DCDC1: variants seen among roughly 807,000 people sequenced by gnomAD.
The protein encoded by DCDC1 is doublecortin domain containing 1, also known as doublecortin domain-containing protein 1.
DCDC1 carries 200 observed loss-of-function variants against 178.3 expected under a neutral mutation model. That is an observed-to-expected ratio of 1.12 (90% CI 1.00 to 1.26). The LOEUF (loss-of-function observed/expected upper bound fraction) is 1.26, where lower values mean the gene tolerates loss of function less well. Among genes scored for constraint, DCDC1 ranks in the 50% most tolerant of loss-of-function variants. The pLI, the probability that DCDC1 is intolerant of heterozygous loss-of-function variation, is 0.00. For synonymous variants in DCDC1, 690 were observed against 604.8 expected (o/e 1.14, Z -2.07); for missense variants, 1,983 against 1,749.2 (o/e 1.13, Z -2.38).
chr11:31,194,802 T>C (rs1242571087), intron 9 of DCDC1, among the ~76,000 whole-genome samples: 1 of 152,100 alleles, frequency 6.6e-6, no homozygotes, highest in Non-Finnish European at 1.5e-5. Flanking sequence ...AAATGTTTAA[T>C]TGGTATGTCA....
chr11:30,879,587 T>C (rs1353061268), intron 37 of DCDC1, among the ~76,000 whole-genome samples: 2 of 152,146 alleles, frequency 1.3e-5, no homozygotes, highest in Non-Finnish European at 2.9e-5. Context: ...AGGAAAGAAA[T>C]AAACTTTCAT....
At chr11:31,113,750 G>A (rs1251269666) in intron 11 of DCDC1, among the ~76,000 whole-genome samples, 1 of 151,920 alleles carries the variant, frequency 6.6e-6, no homozygotes, top group Non-Finnish European at 1.5e-5. Flanking sequence ...AGAGATAATC[G>A]AAAGATAATC....
intron 10 of DCDC1, among the ~76,000 whole-genome samples, chr11:31,131,493 C>T (rs1445388038): frequency 6.6e-6 from 1 of 152,058 alleles, no homozygotes; most frequent in African/African-American, 2.4e-5. Flanking sequence ...TGCTTTCAGC[C>T]TCATTTTCAC....
intron 20 of DCDC1, among the ~76,000 whole-genome samples, chr11:31,011,630 G>A (rs958694924): frequency 1.3e-5 from 2 of 152,100 alleles, no homozygotes; most frequent in Non-Finnish European, 2.9e-5. Flanking sequence ...CATCCCCTAC[G>A]CTATAGTAGA....
Position 30,864,053 on chromosome 11 carries a change from G to C in DCDC1, c.*1320C>G, listed in dbSNP as rs1016322533. 6.6e-6 allele frequency: 1 copy of C among 152,194 alleles called. No homozygotes were observed. Among genetic ancestry groups the C allele is most frequent in the African/African-American group, 2.4e-5 (1 of 41,436 alleles). The allele number at this position is 152,194 out of a possible 1,614,324, so 9.4% of individuals were successfully genotyped here. A position where few individuals can be genotyped will look rare whatever the true frequency, so the allele number is the denominator to read the frequency against. On this transcript the variant is annotated 3_prime_UTR_variant, in exon 39 of 39. Transcript: ENST00000684477. The stretch of plus-strand genomic sequence containing the variant: ...GAGACAGGAGAATTGCTTGAACCTG[G>C]GAAGGGGAGCTTGTAGTGAGCTGAG...
At chr11:30,907,403 T>C (rs1945140871) in intron 29 of DCDC1, among the ~76,000 whole-genome samples, 1 of 152,140 alleles carries the variant, frequency 6.6e-6, no homozygotes, top group Admixed American at 6.5e-5. Flanking sequence ...ACAGTTTTGG[T>C]CCTCCAATCG....
chr11:30,887,023 A>G (rs1205922996), intron 36 of DCDC1, among the ~76,000 whole-genome samples: 1 of 152,184 alleles, frequency 6.6e-6, no homozygotes, highest in Admixed American at 6.5e-5. Context: ...AATTCAATCT[A>G]TGGTTATTTT....
At chr11:31,082,277 T>C (rs1957225044) in intron 17 of DCDC1, among the ~76,000 whole-genome samples, 1 of 152,142 alleles carries the variant, frequency 6.6e-6, no homozygotes, top group African/African-American at 2.4e-5. Flanking sequence ...ACTTAGTCTC[T>C]AGTGGCCTTG....
intron 20 of DCDC1, among the ~76,000 whole-genome samples, chr11:30,976,486 T>A (rs1950108777): frequency 2.0e-5 from 3 of 149,666 alleles, no homozygotes; most frequent in African/African-American, 4.9e-5. Context: ...AATTCAACAG[T>A]AAAAAGACAA....
chr11:31,209,831 G>A (rs751545749), intron 9 of DCDC1, among the ~76,000 whole-genome samples: 1 of 152,152 alleles, frequency 6.6e-6, no homozygotes, highest in African/African-American at 2.4e-5. Flanking sequence ...CAAGGATAAA[G>A]GAACAAGCAT....
intron 21 of DCDC1, among the ~76,000 whole-genome samples, chr11:30,936,421 A>G (rs1947282419): frequency 6.6e-6 from 1 of 152,282 alleles, no homozygotes; most frequent in African/African-American, 2.4e-5. Flanking sequence ...CTACCTTTCC[A>G]GAGGAAGGGG....
chr11:31,334,644 G>C (rs1950180404), intron 2 of DCDC1, among the ~76,000 whole-genome samples: 1 of 152,156 alleles, frequency 6.6e-6, no homozygotes, highest in Admixed American at 6.5e-5. Flanking sequence ...AAGTCCCTCA[G>C]CTGCAGGTCT....
At position 30,903,638 on chromosome 11, in the gene DCDC1, A is replaced by T. The variant is rs1944860953; in HGVS notation, c.4354T>A (p.Ser1452Thr). Residue 1452 changes from serine to threonine, a missense_variant, in exon 32 of 39, where the codon TCC becomes ACC. Transcript: ENST00000684477. ...TEQLGLARAA[S>T]KVYTKDGTPI... ...GTTCCATCTTTGGTATATACTTTGG[A>T]GGCTGCTCTGGCAAGCCCAAGTTGT... The T allele has an allele frequency of 1.2e-6, 2 of 1,610,830 alleles. No individual in the cohort carries two copies. The highest frequency in any genetic ancestry group is 1.3e-5 in the African/African-American group (1 of 74,880).
intron 8 of DCDC1, among the ~76,000 whole-genome samples, chr11:31,250,335 TCA>T (rs1943893420): frequency 6.9e-6 from 1 of 144,964 alleles, no homozygotes; most frequent in Non-Finnish European, 1.5e-5. Flanking sequence ...CTGCCTTGGC[TCA>T]CAATTTCTTT....
At chr11:31,003,476 A>G (rs1208068133) in intron 20 of DCDC1, among the ~76,000 whole-genome samples, 1 of 152,192 alleles carries the variant, frequency 6.6e-6, no homozygotes, top group East Asian at 1.9e-4. Flanking sequence ...AAGCATGGGG[A>G]ATGTGAAGCA....
intron 20 of DCDC1, among the ~76,000 whole-genome samples, chr11:30,961,347 T>C (rs1011122784): frequency 1.3e-5 from 2 of 152,056 alleles, no homozygotes; most frequent in African/African-American, 4.8e-5. Flanking sequence ...AATAAGGTAA[T>C]GAACATAGTA....
chr11:31,238,647 T>C (rs916109956), intron 9 of DCDC1, among the ~76,000 whole-genome samples: 2 of 152,122 alleles, frequency 1.3e-5, no homozygotes, highest in Non-Finnish European at 2.9e-5. Context: ...GCTAATGAGA[T>C]GGAACGGCCC....
intron 20 of DCDC1, among the ~76,000 whole-genome samples, chr11:31,040,866 G>T (rs1307188266): frequency 6.6e-6 from 1 of 152,184 alleles, no homozygotes; most frequent in Non-Finnish European, 1.5e-5. Flanking sequence ...TGGGTCAATA[G>T]CATCAATAAG....
At chr11:31,010,533 T>C (rs1565179702) in intron 20 of DCDC1, among the ~76,000 whole-genome samples, 2 of 152,236 alleles carry the variant, frequency 1.3e-5, no homozygotes, top group South Asian at 4.1e-4. Context: ...TGATATGTAA[T>C]GATGATATGC....
Sources: gnomAD v4.1 joint callset for allele counts (sites outside exome capture counted in the v4.1 genomes callset) on GRCh38, gnomAD v4.1.1 for gene constraint, MANE v1.5 for transcripts, NCBI Gene and HGNC (gene_info 2026-07-23, HGNC 2026-07-21) for gene names.